The following SEC61A2 variants were observed in gnomAD, a reference collection of about 807,000 sequenced individuals.
SEC61A2 encodes the protein protein transport protein Sec61 subunit alpha isoform 2.
In SEC61A2, 28 loss-of-function variants were observed where a neutral mutation model predicts 59.9. The observed-to-expected ratio is 0.47, with a 90% CI of 0.35 to 0.64. The LOEUF (loss-of-function observed/expected upper bound fraction) is 0.64, where lower values mean the gene tolerates loss of function less well. Ranked by LOEUF, SEC61A2 falls within the 30% of genes least tolerant of loss-of-function variation. SEC61A2 has a pLI of 0.01. For missense variants in SEC61A2, 340 were observed against 585.9 expected (o/e 0.58, Z 4.33); for synonymous variants, 202 against 214.4 (o/e 0.94, Z 0.50).
intron 11 of SEC61A2, among the ~76,000 whole-genome samples, chr10:12,163,379 C>T (rs1482297358): frequency 2.1e-5 from 3 of 140,308 alleles, no homozygotes; most frequent in Non-Finnish European, 3.0e-5. Flanking sequence ...GGCTGGAGTG[C>T]AGTGGCACCG....
downstream of SEC61A2, chr10:12,167,007 A>G (rs1297288731): frequency 4.9e-6 from 1 of 202,276 alleles, no homozygotes; most frequent in Admixed American, 5.5e-5. Flanking sequence ...TCTTTGAGGT[A>G]AGAATAGGAA....
downstream of SEC61A2, among the ~76,000 whole-genome samples, chr10:12,168,312 C>T (rs1452790746): frequency 1.3e-5 from 2 of 152,208 alleles, no homozygotes; most frequent in African/African-American, 4.8e-5. The surrounding 1 kb of genome is among the most constrained non-coding windows in gnomAD (Gnocchi z 4.8). Flanking sequence ...GCGTGAGCTA[C>T]CGCACCCAGC....
intron 6 of SEC61A2, among the ~76,000 whole-genome samples, chr10:12,151,040 G>A (rs900810185): frequency 2.0e-5 from 3 of 151,586 alleles, no homozygotes; most frequent in African/African-American, 4.9e-5. Flanking sequence ...CTCCCAAAGT[G>A]CTGGGATTAC....
rs540000029 is a variant in SEC61A2, at chr10:12,154,982, G to T, written c.463-796G>T. Among the ~76,000 whole-genome samples, 2 of 152,194 alleles carry T rather than the reference G, an allele frequency of 1.3e-5. No individual in the cohort carries two copies. The highest frequency in any genetic ancestry group is 4.8e-5 in the African/African-American group (2 of 41,528). On this transcript the variant is annotated intron_variant, in intron 6 of 11. Coordinates refer to ENST00000298428, the MANE Select transcript of SEC61A2 (RefSeq NM_018144.4). The surrounding 1 kb of genome is among the most constrained non-coding windows in gnomAD (Gnocchi z 5.2). ...TAGGTTATTTGAGTGCAGGGAAGGGGTCATATGACTGAGGAGGTCACTTGA... is the reference window on the plus strand; with the variant it reads ...TAGGTTATTTGAGTGCAGGGAAGGGTTCATATGACTGAGGAGGTCACTTGA...
Position 12,155,334 on chromosome 10 carries a change from T to C in SEC61A2, c.463-444T>C, listed in dbSNP as rs1466630608. 7.6e-6 allele frequency: 12 copies of C among 1,584,434 alleles called. No individual in the cohort carries two copies. Among genetic ancestry groups the C allele is most frequent in the Non-Finnish European group, 1.0e-5 (12 of 1,167,438 alleles). On this transcript the variant is annotated intron_variant, in intron 6 of 11. Transcript: ENST00000298428. This position sits in a 1 kb window ranked among gnomAD's most constrained non-coding sequence, Gnocchi z 4.3. ...AGGATCAACACAGCCCTTAGACTTA[T>C]CCTTTGATGGCAGTGTACATTTCCA... is the stretch of plus-strand genomic sequence containing the variant.
rs1163211966 is a variant in SEC61A2 at position 12,142,439 on chromosome 10, T to A, written c.142-678T>A. 2 of 604,376 alleles carry A rather than the reference T, an allele frequency of 3.3e-6. No homozygotes were observed. The highest frequency in any genetic ancestry group is 4.0e-5 in the African/African-American group (2 of 49,786). 37.4% of individuals were successfully genotyped at this position (604,376 alleles called of 1,614,324 possible). A position where few individuals can be genotyped will look rare whatever the true frequency, so the allele number is the denominator to read the frequency against. On this transcript the variant is annotated intron_variant, in intron 3 of 11. Coordinates refer to ENST00000298428, the MANE Select transcript of SEC61A2 (RefSeq NM_018144.4). This position sits in a 1 kb window ranked among gnomAD's most constrained non-coding sequence, Gnocchi z 5.4. ...TTCTTCCATGTTATTACAGATTGAG[T>A]AAGCATAATTTTTAGTGGCCATGTA...
chr10:12,149,176 G>A lies in SEC61A2; in HGVS notation c.221-419G>A, dbSNP rs188465615. ...GCAATCTCGGCTTACTGCAACCTCT[G>A]CCTTCCAGGTTTAAGCGATTCTCCT... On this transcript the variant is annotated intron_variant, in intron 4 of 11. Transcript: ENST00000298428. The surrounding 1 kb of genome is among the most constrained non-coding windows in gnomAD (Gnocchi z 5.2). Among the ~76,000 whole-genome samples the A allele has an allele frequency of 2.0e-5, 3 of 151,998 alleles. No individual in the cohort carries two copies. The highest frequency in any genetic ancestry group is 7.2e-5 in the African/African-American group (3 of 41,446).
downstream of SEC61A2, among the ~76,000 whole-genome samples, chr10:12,169,005 A>G (rs1369380569): frequency 6.6e-6 from 1 of 151,898 alleles, no homozygotes; most frequent in East Asian, 1.9e-4. The surrounding 1 kb of genome is among the most constrained non-coding windows in gnomAD (Gnocchi z 4.8). Flanking sequence ...TCAAGTGATC[A>G]GCCTACCTCG....
At chr10:12,157,656 C>A (rs1834431334) in intron 8 of SEC61A2, among the ~76,000 whole-genome samples, 1 of 152,190 alleles carries the variant, frequency 6.6e-6, no homozygotes, top group Middle Eastern at 3.4e-3. Context: ...GTGCATATCA[C>A]CACACCCAGC....
In SEC61A2 at chr10:12,162,400, C is replaced by A. The variant is rs896957351; in HGVS notation, c.1244+111C>A. 3.2e-6 allele frequency: 3 copies of A among 944,636 alleles called. No individual in the cohort carries two copies. Among genetic ancestry groups the A allele is most frequent in the African/African-American group, 1.6e-5 (1 of 62,078 alleles). 58.5% of individuals were successfully genotyped at this position (944,636 alleles called of 1,614,324 possible). On this transcript the variant is annotated intron_variant, in intron 11 of 11. Transcript: ENST00000298428. This position sits in a 1 kb window ranked among gnomAD's most constrained non-coding sequence, Gnocchi z 6.1. ...TTCATATTTAAAACCCTTCTATTCA[C>A]ACAGATGAATCAAAATTTCACACAA... is the stretch of plus-strand genomic sequence containing the variant.
chr10:12,166,695 TG>T, downstream of SEC61A2: 2 of 505,532 alleles, frequency 4.0e-6, no homozygotes, highest in Non-Finnish European at 4.1e-6. Flanking sequence ...GAGAATTCCG[TG>T]GGGGCCAGAC....
intron 8 of SEC61A2, 93 bp from the exon 9 acceptor site, chr10:12,157,815 A>T: frequency 8.3e-7 from 1 of 1,203,762 alleles, no homozygotes. Flanking sequence ...TTGTCTTTTC[A>T]TCCCCCGCAC....
At chr10:12,134,045 C>T (rs893144605) in intron 2 of SEC61A2, among the ~76,000 whole-genome samples, 1 of 152,182 alleles carries the variant, frequency 6.6e-6, no homozygotes, top group Non-Finnish European at 1.5e-5. Context: ...CTCGCTCTGT[C>T]CCCCAGGCTG....
At chr10:12,144,790 C>T (rs563595641) in intron 4 of SEC61A2, among the ~76,000 whole-genome samples, 1 of 152,150 alleles carries the variant, frequency 6.6e-6, no homozygotes, top group African/African-American at 2.4e-5. Context: ...GGGGCTCATG[C>T]CTGTGATCCC....
At chr10:12,137,246 C>G (rs949401932) in intron 3 of SEC61A2, among the ~76,000 whole-genome samples, 4 of 152,082 alleles carry the variant, frequency 2.6e-5, no homozygotes, top group African/African-American at 9.7e-5. Context: ...CAAGCTAAAA[C>G]CAAATTTTTG....
upstream of SEC61A2, chr10:12,129,672 C>T: frequency 3.8e-6 from 4 of 1,040,848 alleles, no homozygotes; most frequent in Non-Finnish European, 5.5e-6. The surrounding 1 kb of genome is among the most constrained non-coding windows in gnomAD (Gnocchi z 5.6). Context: ...TTGGGCGGAG[C>T]CTGCGCGGGG....
Position 12,153,897 on chromosome 10 carries a change from C to T in SEC61A2, c.463-1881C>T. 7.8e-7 allele frequency: 1 copy of T among 1,278,178 alleles called. No individual in the cohort carries two copies. 79.2% of individuals were successfully genotyped at this position (1,278,178 alleles called of 1,614,324 possible). ...TTTCATTCACGTGGTTAGTGTTTTT[C>T]AGCTAGTGAGTTTAGAAATCTACAT... On this transcript the variant is annotated intron_variant, in intron 6 of 11. Coordinates refer to ENST00000298428, the MANE Select transcript of SEC61A2 (RefSeq NM_018144.4). This position sits in a 1 kb window ranked among gnomAD's most constrained non-coding sequence, Gnocchi z 5.2.
Position 12,149,041 on chromosome 10 carries a change from C to T in SEC61A2, c.221-554C>T. Among the ~76,000 whole-genome samples, 1 of 152,044 alleles carries T rather than the reference C, an allele frequency of 6.6e-6. No individual in the cohort carries two copies. The highest frequency in any genetic ancestry group is 1.9e-4 in the East Asian group (1 of 5,186). On this transcript the variant is annotated intron_variant, in intron 4 of 11. Coordinates refer to ENST00000298428, the MANE Select transcript of SEC61A2 (RefSeq NM_018144.4). The surrounding 1 kb of genome is among the most constrained non-coding windows in gnomAD (Gnocchi z 5.2). ...TAGAATTACTTGATTCCATACCTTC[C>T]TTATACAGTTGGCATATTTGATTTT...
intron 9 of SEC61A2, among the ~76,000 whole-genome samples, chr10:12,159,860 CA>C (rs1158943728): frequency 6.6e-6 from 1 of 151,560 alleles, no homozygotes; most frequent in African/African-American, 2.4e-5. Flanking sequence ...TTATAAGTTA[CA>C]AAGACTCATA....
Sources: gnomAD v4.1 joint callset for allele counts (sites outside exome capture counted in the v4.1 genomes callset) on GRCh38, gnomAD v4.1.1 for gene constraint, Gnocchi (gnomAD v3.1) non-coding constraint, MANE v1.5 for transcripts, NCBI Gene and HGNC (gene_info 2026-07-23, HGNC 2026-07-21) for gene names.